Variants in FSTL5 observed in about 807,000 individuals in gnomAD.
FSTL5 encodes the protein follistatin like 5, also known as follistatin-related protein 5.
A neutral mutation model predicts 89.1 loss-of-function variants in FSTL5; 62 were observed. The observed-to-expected ratio is 0.70, with a 90% CI of 0.57 to 0.86. The LOEUF is 0.86. Among genes scored for constraint, FSTL5 ranks in the 40% least tolerant of loss-of-function variants. FSTL5 has a pLI of 0.00. For missense variants in FSTL5, 1,057 were observed against 1,001.6 expected, an observed-to-expected ratio of 1.06 and a Z score of -0.75; for synonymous variants, 383 against 346.2, an observed-to-expected ratio of 1.11 and a Z score of -1.18.
intron 8 of FSTL5, among the ~76,000 whole-genome samples, chr4:161,549,460 C>T (rs1732125146): frequency 6.6e-6 from 1 of 151,588 alleles, no homozygotes; most frequent in Non-Finnish European, 1.5e-5. Flanking sequence ...CCTGATGTAG[C>T]CGGGTGACTT....
intron 7 of FSTL5, among the ~76,000 whole-genome samples, chr4:161,648,969 T>C (rs1406181877): frequency 3.3e-5 from 5 of 152,178 alleles, no homozygotes; most frequent in South Asian, 2.1e-4. Flanking sequence ...CTATAACTTA[T>C]GGAAAATTTC....
rs1234249017 is a variant in FSTL5 at position 162,141,309 on chromosome 4, G to C, written c.-17+22306C>G. ...TTTTTGTATTTTTAGTAGAGACGGG[G>C]TTTCACCATGTTAGCCAGGATGGTC... On this transcript the variant is annotated intron_variant, in intron 1 of 15. Transcript: ENST00000306100. Among the ~76,000 whole-genome samples, 5 of 80,944 alleles carry C rather than the reference G, an allele frequency of 6.2e-5. 1 individual carries two copies. Among genetic ancestry groups the C allele is most frequent in the African/African-American group, 2.0e-4 (5 of 24,656 alleles). 53.1% of individuals were successfully genotyped at this position (80,944 alleles called of 152,430 possible). A position where few individuals can be genotyped will look rare whatever the true frequency, so the allele number is the denominator to read the frequency against.
chr4:161,787,141 T>C (rs2126816222), intron 4 of FSTL5, among the ~76,000 whole-genome samples: 1 of 152,256 alleles, frequency 6.6e-6, no homozygotes, highest in East Asian at 1.9e-4. Context: ...GTTTCTAATG[T>C]TGATATTCAA....
At chr4:162,078,227 G>A (rs1458568143) in intron 2 of FSTL5, among the ~76,000 whole-genome samples, 2 of 151,588 alleles carry the variant, frequency 1.3e-5, no homozygotes, top group Admixed American at 6.6e-5. Flanking sequence ...CTCCTTTATG[G>A]GATTATCAAG....
intron 6 of FSTL5, among the ~76,000 whole-genome samples, chr4:161,728,717 T>A (rs1481924603): frequency 6.6e-6 from 1 of 152,104 alleles, no homozygotes; most frequent in Non-Finnish European, 1.5e-5. Flanking sequence ...ATTTTGGGTG[T>A]AATTAAGATG....
intron 13 of FSTL5, among the ~76,000 whole-genome samples, chr4:161,480,478 A>G (rs559632273): frequency 6.6e-6 from 1 of 152,324 alleles, no homozygotes; most frequent in South Asian, 2.1e-4. Flanking sequence ...TGAAGTATGA[A>G]TTCAGAGAAC....
intron 4 of FSTL5, among the ~76,000 whole-genome samples, chr4:161,832,221 T>C (rs1206501436): frequency 6.6e-6 from 1 of 152,068 alleles, no homozygotes; most frequent in Non-Finnish European, 1.5e-5. Context: ...AATTCACAGA[T>C]GATATGAAAT....
At chr4:162,143,748 A>ACC (rs71801352) in intron 1 of FSTL5, among the ~76,000 whole-genome samples, 14 of 127,746 alleles carry the variant, frequency 1.1e-4, no homozygotes, top group African/African-American at 3.4e-4. Context: ...ACACACACAC[A>ACC]CCCAGGAAAA....
intron 7 of FSTL5, among the ~76,000 whole-genome samples, chr4:161,598,333 CCACTG>C (rs772585417): frequency 9.2e-5 from 14 of 151,980 alleles, no homozygotes; most frequent in Non-Finnish European, 1.8e-4. Flanking sequence ...CAAAATTGCT[CCACTG>C]CACTCCAGCC....
chr4:161,447,941 T>G (rs907732937), intron 15 of FSTL5, among the ~76,000 whole-genome samples: 13 of 152,118 alleles, frequency 8.5e-5, no homozygotes, highest in Admixed American at 2.6e-4. Flanking sequence ...GAAGTAGCTC[T>G]GGGAATCTAA....
chr4:162,020,099 A>C (rs1238986439), intron 3 of FSTL5, among the ~76,000 whole-genome samples: 4 of 151,782 alleles, frequency 2.6e-5, no homozygotes, highest in African/African-American at 9.7e-5. Flanking sequence ...TTCACAAAAA[A>C]ATTTCCAAAA....
intron 3 of FSTL5, among the ~76,000 whole-genome samples, chr4:161,983,767 T>C (rs1390151952): frequency 6.6e-6 from 1 of 152,108 alleles, no homozygotes; most frequent in Non-Finnish European, 1.5e-5. Context: ...GGCATGCAAA[T>C]AAAACTTCTT....
At chr4:161,814,492 G>C (rs1730265357) in intron 4 of FSTL5, among the ~76,000 whole-genome samples, 1 of 152,070 alleles carries the variant, frequency 6.6e-6, no homozygotes, top group Admixed American at 6.5e-5. Flanking sequence ...TGTATATAAA[G>C]TGCTAGTTAA....
intron 15 of FSTL5, among the ~76,000 whole-genome samples, chr4:161,437,582 A>AC (rs1732613879): frequency 1.4e-5 from 2 of 147,416 alleles, no homozygotes; most frequent in Admixed American, 1.4e-4. Context: ...AAAAAAAAAA[A>AC]CGAGGTCAGA....
intron 3 of FSTL5, among the ~76,000 whole-genome samples, chr4:161,949,109 A>T (rs945812150): frequency 6.6e-6 from 1 of 152,048 alleles, no homozygotes; most frequent in Non-Finnish European, 1.5e-5. Context: ...TTCAGCTTCC[A>T]CAGGCTGCCT....
At chr4:161,959,956 C>G (rs933686391) in intron 3 of FSTL5, among the ~76,000 whole-genome samples, 2 of 152,042 alleles carry the variant, frequency 1.3e-5, no homozygotes, top group African/African-American at 4.8e-5. Context: ...GCAAGTATTT[C>G]AAAGCATTTT....
At chr4:161,610,512 T>TGTG (rs1439908859) in intron 7 of FSTL5, among the ~76,000 whole-genome samples, 7 of 152,170 alleles carry the variant, frequency 4.6e-5, no homozygotes, top group African/African-American at 2.4e-5. Flanking sequence ...TTGAGAAACC[T>TGTG]GTGGTGATTG....
chr4:161,748,974 A>T (rs1740301194), intron 6 of FSTL5, among the ~76,000 whole-genome samples: 1 of 152,190 alleles, frequency 6.6e-6, no homozygotes, highest in South Asian at 2.1e-4. Context: ...AACCACAATA[A>T]AATACCATCT....
At position 161,744,040 on chromosome 4, in the gene FSTL5, G is replaced by C. The variant is rs560795515; in HGVS notation, c.727+15371C>G. ...ACATTTAATCAGTTATGCTCAACCA[G>C]TTGCAAATTCTAACACTATTACAAG... On this transcript the variant is annotated intron_variant, in intron 6 of 15. Coordinates refer to ENST00000306100, the MANE Select transcript of FSTL5 (RefSeq NM_020116.5). Among the ~76,000 whole-genome samples the C allele has an allele frequency of 2.0e-5, 3 of 152,182 alleles. No homozygotes were observed. The South Asian group carries it at 6.2e-4, about 31-fold the overall frequency.
Sources: gnomAD v4.1 joint callset for allele counts (sites outside exome capture counted in the v4.1 genomes callset) on GRCh38, gnomAD v4.1.1 for gene constraint, MANE v1.5 for transcripts, NCBI Gene and HGNC (gene_info 2026-07-23, HGNC 2026-07-21) for gene names.